NHERF4: variants seen among roughly 807,000 people sequenced by gnomAD.
NHERF4 encodes the protein Na(+)/H(+) exchange regulatory cofactor NHE-RF4.
chr11:119,187,071 C>T, the NHERF4 span, among the ~76,000 whole-genome samples: 10 of 143,138 alleles, frequency 7.0e-5, no homozygotes, highest in Admixed American at 4.5e-4. Flanking sequence ...ACATGGGAGG[C>T]GGAGGTTGCG....
chr11:119,189,428 C>G, the NHERF4 span: 2 of 1,613,028 alleles, frequency 1.2e-6, no homozygotes, highest in Non-Finnish European at 1.7e-6. This position sits in a 1 kb window ranked among gnomAD's most constrained non-coding sequence, Gnocchi z 5.8. Flanking sequence ...CTGGGTCCCA[C>G]CTGGAATGAC....
At chr11:119,188,475 T>A in the NHERF4 span, 1 of 1,611,044 alleles carries the variant, frequency 6.2e-7, no homozygotes, top group Non-Finnish European at 8.5e-7. Flanking sequence ...GAGGAGACAG[T>A]GTCCAGGATC....
At chr11:119,189,187 T>G in the NHERF4 span, 1 of 1,610,402 alleles carries the variant, frequency 6.2e-7, no homozygotes, top group Non-Finnish European at 8.5e-7. The surrounding 1 kb of genome is among the most constrained non-coding windows in gnomAD (Gnocchi z 5.8). Context: ...AAGCCTGGAT[T>G]CCCCCTGGGG....
chr11:119,186,108 C>T, the NHERF4 span: 1 of 1,613,126 alleles, frequency 6.2e-7, no homozygotes, highest in Non-Finnish European at 8.5e-7. The surrounding 1 kb of genome is among the most constrained non-coding windows in gnomAD (Gnocchi z 4.4). Flanking sequence ...TAAGTTTAAC[C>T]CAAAGCTGGG....
At chr11:119,189,211 G>T in the NHERF4 span, 1 of 1,602,602 alleles carries the variant, frequency 6.2e-7, no homozygotes. This position sits in a 1 kb window ranked among gnomAD's most constrained non-coding sequence, Gnocchi z 5.8. Flanking sequence ...CAGAGGTGAG[G>T]AAGAAGAAAC....
At chr11:119,186,791 C>T in the NHERF4 span, 5 of 1,179,964 alleles carry the variant, frequency 4.2e-6, no homozygotes, top group Non-Finnish European at 5.9e-6. The surrounding 1 kb of genome is among the most constrained non-coding windows in gnomAD (Gnocchi z 4.4). Flanking sequence ...CCTCACTCCC[C>T]CACACCCCAG....
At chr11:119,187,342 G>A in the NHERF4 span, 1 of 1,613,658 alleles carries the variant, frequency 6.2e-7, no homozygotes, top group Non-Finnish European at 8.5e-7. Context: ...ACATGACGTG[G>A]CCCGAGCTCA....
At chr11:119,188,467 G>A in the NHERF4 span, 1 of 1,612,104 alleles carries the variant, frequency 6.2e-7, no homozygotes, top group Non-Finnish European at 8.5e-7. Context: ...TGGGCCATGA[G>A]GAGACAGTGT....
chr11:119,187,095 G>A, the NHERF4 span, among the ~76,000 whole-genome samples: 4 of 143,436 alleles, frequency 2.8e-5, no homozygotes, highest in South Asian at 2.2e-4. Context: ...AGCTGAGATC[G>A]CACCATTGCA....
At chr11:119,186,097 T>C in the NHERF4 span, 2 of 1,611,616 alleles carry the variant, frequency 1.2e-6, no homozygotes, top group South Asian at 2.2e-5. This position sits in a 1 kb window ranked among gnomAD's most constrained non-coding sequence, Gnocchi z 4.4. Context: ...TGCAGGAAGT[T>C]TAAGTTTAAC....
the NHERF4 span, chr11:119,188,524 C>T: frequency 6.2e-7 from 1 of 1,600,726 alleles, no homozygotes; most frequent in Non-Finnish European, 8.5e-7. Flanking sequence ...CTGTCGTCGA[C>T]CCTGAGGCGG....
chr11:119,185,847 A>T, the NHERF4 span: 17 of 1,596,224 alleles, frequency 1.1e-5, no homozygotes, highest in Non-Finnish European at 1.4e-5. Context: ...GAGTCCTTTT[A>T]GTTTATGCCA....
At chr11:119,190,114 C>A in the NHERF4 span, 2 of 597,444 alleles carry the variant, frequency 3.3e-6, no homozygotes, top group African/African-American at 1.9e-5. This position sits in a 1 kb window ranked among gnomAD's most constrained non-coding sequence, Gnocchi z 4.2. Flanking sequence ...AATGGGTCAA[C>A]CCAGAACTGA....
chr11:119,188,127 G>A, the NHERF4 span: 5 of 1,545,986 alleles, frequency 3.2e-6, no homozygotes, highest in Non-Finnish European at 4.4e-6. Flanking sequence ...GAGGAAAAGG[G>A]CCTTGACGGT....
At chr11:119,185,746 C>A in the NHERF4 span, 1 of 864,522 alleles carries the variant, frequency 1.2e-6, no homozygotes, top group Non-Finnish European at 1.9e-6. Flanking sequence ...GGGAGGGGAC[C>A]GCACAATAGT....
the NHERF4 span, chr11:119,186,638 A>G: frequency 6.2e-7 from 1 of 1,612,746 alleles, no homozygotes; most frequent in Non-Finnish European, 8.5e-7. This position sits in a 1 kb window ranked among gnomAD's most constrained non-coding sequence, Gnocchi z 4.4. Context: ...CAGGAAGGAG[A>G]CAGGATCCTG....
the NHERF4 span, chr11:119,189,573 C>G: frequency 1.3e-6 from 2 of 1,493,742 alleles, no homozygotes; most frequent in Non-Finnish European, 1.9e-6. This position sits in a 1 kb window ranked among gnomAD's most constrained non-coding sequence, Gnocchi z 5.8. Flanking sequence ...GCAGGATGCT[C>G]TCTCTAAGCC....
chr11:119,189,431 G>A, the NHERF4 span: 1 of 1,613,364 alleles, frequency 6.2e-7, no homozygotes, highest in South Asian at 1.1e-5. This position sits in a 1 kb window ranked among gnomAD's most constrained non-coding sequence, Gnocchi z 5.8. Context: ...GGTCCCACCT[G>A]GAATGACCTT....
chr11:119,187,925 G>A, the NHERF4 span: 1 of 1,536,896 alleles, frequency 6.5e-7, no homozygotes, highest in Non-Finnish European at 8.8e-7. Flanking sequence ...CTGATGCCCT[G>A]CTGGGTCCCC....
Sources: allele counts gnomAD v4.1 joint callset (sites outside exome capture counted in the v4.1 genomes callset), GRCh38; gene constraint gnomAD v4.1.1; non-coding constraint Gnocchi (gnomAD v3.1); transcripts MANE v1.5; gene names NCBI Gene and HGNC (gene_info 2026-07-23, HGNC 2026-07-21).